Variants in TUBG2 observed in about 807,000 individuals in gnomAD.
The protein encoded by TUBG2 is tubulin gamma 2.
In TUBG2, 39 loss-of-function variants were observed where a neutral mutation model predicts 55.1. The observed-to-expected ratio is 0.71, with a 90% CI of 0.55 to 0.93. The LOEUF (loss-of-function observed/expected upper bound fraction) is 0.93, where lower values mean the gene tolerates loss of function less well. Ranked by LOEUF, TUBG2 falls within the 40% of genes least tolerant of loss-of-function variation. The probability of loss-of-function intolerance (pLI) is 0.00; values close to 1 mark genes in which losing one functional copy is unlikely to be tolerated. For missense variants in TUBG2, 358 were observed against 599.1 expected, an observed-to-expected ratio of 0.60 and a Z score of 4.20; for synonymous variants, 223 against 241.0, an observed-to-expected ratio of 0.93 and a Z score of 0.69.
At chr17:42,659,792 C>A in intron 1 of TUBG2, 42 bp from the exon 2 acceptor site, 1 of 1,612,922 alleles carries the variant, frequency 6.2e-7, no homozygotes, top group South Asian at 1.1e-5. Flanking sequence ...CTCCTCAGGC[C>A]TTAAGGCTCC....
At chr17:42,663,618 G>A in intron 6 of TUBG2, 115 bp downstream of exon 6, 2 of 1,318,990 alleles carry the variant, frequency 1.5e-6, no homozygotes, top group Non-Finnish European at 2.1e-6. Context: ...TACTAGCCTG[G>A]GCAACATGTG....
In TUBG2 at chr17:42,659,440, C is replaced by A; in HGVS notation, c.-64C>A. On this transcript the variant is annotated 5_prime_UTR_variant, in exon 1 of 11. Transcript: ENST00000251412. ...CCCCACGTCCTGCGCTCCTGGCTGC[C>A]GGGCATTCGTCTCAGCCGTGACTCT... is the stretch of plus-strand genomic sequence containing the variant. 2.0e-6 allele frequency: 3 copies of A among 1,506,048 alleles called. No individual in the cohort carries two copies. The highest frequency in any genetic ancestry group is 2.7e-6 in the Non-Finnish European group (3 of 1,120,856). The allele number at this position is 1,506,048 out of a possible 1,614,324, so 93.3% of individuals were successfully genotyped here.
At chr17:42,663,993 G>C (rs978334285) in intron 6 of TUBG2, among the ~76,000 whole-genome samples, 2 of 150,684 alleles carry the variant, frequency 1.3e-5, no homozygotes, top group Admixed American at 1.3e-4. Context: ...TGTAGTCCCA[G>C]CTACTTGGAG....
chr17:42,659,913 G>A lies in TUBG2; in HGVS notation c.129G>A (p.Glu43=). 13 of 1,612,676 alleles carry A rather than the reference G, an allele frequency of 8.1e-6. No homozygotes were observed. The Middle Eastern group carries it at 5.0e-4, about 61-fold the overall frequency. ...GCATCGTGGAGGAATTCGCCACCGA[G>A]GGCACTGACCGCAAGGACGTCTTTT... is the stretch of plus-strand genomic sequence containing the variant. The part of the protein sequence containing the change: ...PEGIVEEFAT[E]GTDRKDVFFY... Residue 43 remains glutamate, a synonymous_variant, in exon 2 of 11, where the codon GAG becomes GAA. Transcript: ENST00000251412.
At chr17:42,665,870 C>T (rs755511912) in intron 8 of TUBG2, 43 bp downstream of exon 8, 36 of 1,612,468 alleles carry the variant, frequency 2.2e-5, no homozygotes, top group African/African-American at 4.0e-5. Flanking sequence ...TGGCCCTGGG[C>T]CCAGCAGGCC....
In TUBG2 at chr17:42,665,666, G is replaced by A. The variant is rs999138371; in HGVS notation, c.694-12G>A. 31 of 1,613,972 alleles carry A rather than the reference G, an allele frequency of 1.9e-5. No individual in the cohort carries two copies. The highest frequency in any genetic ancestry group is 4.5e-5 in the East Asian group (2 of 44,890). ...CAGGCCGAGCCCCATGACATGGCACGCCTGTCCCCAGGTGTCCACCATCAT... is the reference window on the plus strand; with the variant it reads ...CAGGCCGAGCCCCATGACATGGCACACCTGTCCCCAGGTGTCCACCATCAT... On this transcript the variant is annotated splice_polypyrimidine_tract_variant and intron_variant, in intron 7 of 10. Coordinates refer to ENST00000251412, the MANE Select transcript of TUBG2 (RefSeq NM_016437.3).
chr17:42,663,402 T>A lies in TUBG2; in HGVS notation c.505T>A (p.Tyr169Asn). 6.2e-7 allele frequency: 1 copy of A among 1,614,062 alleles called. No homozygotes were observed. The highest frequency in any genetic ancestry group is 1.1e-5 in the South Asian group (1 of 91,056). ...DRYPKKLVQT[Y>N]SVFPYQDEMS... ...GTACCCCAAGAAGCTAGTGCAGACT[T>A]ATTCAGTGTTTCCCTACCAGGACGA... Residue 169 changes from tyrosine (Y) to asparagine (N), a missense_variant, in exon 6 of 11, where the codon TAT becomes AAT. Tyr to Asn is a moderately radical substitution (Grantham distance 143). Around this residue, in one of 8 missense-constraint regions of TUBG2, gnomAD observed 40 missense variants for 40.4 expected, o/e 0.99. Transcript: ENST00000251412.
rs2143531417 is a variant in TUBG2, at chr17:42,666,894, C to T, written c.*94C>T. 1 of 1,380,722 alleles carries T rather than the reference C, an allele frequency of 7.2e-7. No individual in the cohort carries two copies. Among genetic ancestry groups the T allele is most frequent in the Non-Finnish European group, 1.0e-6 (1 of 994,104 alleles). The allele number at this position is 1,380,722 out of a possible 1,614,324, so 85.5% of individuals were successfully genotyped here. A position where few individuals can be genotyped will look rare whatever the true frequency, so the allele number is the denominator to read the frequency against. On this transcript the variant is annotated 3_prime_UTR_variant, in exon 11 of 11. Transcript: ENST00000251412. ...ACCCAGCTTCACCTCATGGACAACC[C>T]TTCTTGGTTCATCTCCAGCCCGTGA...
At position 42,666,184 on chromosome 17, in the gene TUBG2, A is replaced by G; in HGVS notation, c.941A>G (p.Asn314Ser). The change falls in exon 9 of 11, where the codon AAC (asparagine) becomes AGC (serine). Residue 314 changes from asparagine to serine, a missense_variant. Transcript: ENST00000251412. ...TCCACAGGCCGAGACCGCCAGACCA[A>G]CCACTGCTACATCGCCATCCTCAAC... is the stretch of plus-strand genomic sequence containing the variant. ...MVSTGRDRQT[N>S]HCYIAILNII... 6.2e-7 allele frequency: 1 copy of G among 1,613,922 alleles called. No individual in the cohort carries two copies. The highest frequency in any genetic ancestry group is 2.2e-5 in the East Asian group (1 of 44,862).
intron 4 of TUBG2, among the ~76,000 whole-genome samples, chr17:42,662,265 C>G (rs1377836056): frequency 6.6e-6 from 1 of 152,142 alleles, no homozygotes; most frequent in Admixed American, 6.6e-5. Flanking sequence ...GATCACACCA[C>G]TGCACTGCAG....
At position 42,665,514 on chromosome 17, in the gene TUBG2, A is replaced by G. The variant is rs771327134; in HGVS notation, c.645A>G (p.Thr215=). Residue 215 remains threonine (T), a synonymous_variant, in exon 7 of 11, where the codon ACA becomes ACG. Coordinates refer to ENST00000251412, the MANE Select transcript of TUBG2 (RefSeq NM_016437.3). The part of the protein sequence containing the change: ...LDNTALNRIA[T]DRLHIQNPSF... ...ACACAGCCCTGAACCGGATTGCCAC[A>G]GACCGCCTGCACATCCAGAACCCGT... 3 of 1,614,128 alleles carry G rather than the reference A, an allele frequency of 1.9e-6. No individual in the cohort carries two copies. The highest frequency in any genetic ancestry group is 2.5e-6 in the Non-Finnish European group (3 of 1,180,014).
intron 4 of TUBG2, chr17:42,660,938 C>A: frequency 2.1e-6 from 1 of 466,896 alleles, no homozygotes; most frequent in Non-Finnish European, 4.0e-6. Context: ...GCTGCTTCTC[C>A]AGCTCCAAAC....
chr17:42,664,764 G>A (rs148074116), intron 6 of TUBG2, among the ~76,000 whole-genome samples: 3 of 151,510 alleles, frequency 2.0e-5, no homozygotes, highest in East Asian at 1.9e-4. Flanking sequence ...GGGTACTCAC[G>A]TGTTTGTTTA....
At chr17:42,659,653 C>T in intron 1 of TUBG2, 101 bp downstream of exon 1, 6 of 1,399,018 alleles carry the variant, frequency 4.3e-6, no homozygotes, top group South Asian at 1.4e-5. Flanking sequence ...TTCCATGAAC[C>T]CCCTGCCCTG....
At chr17:42,662,874 C>G in intron 4 of TUBG2, 99 bp from the exon 5 acceptor site, 1 of 1,170,482 alleles carries the variant, frequency 8.5e-7, no homozygotes, top group Admixed American at 2.0e-5. Flanking sequence ...TGACTGCTTA[C>G]CTGATGTGTG....
chr17:42,660,662 C>T lies in TUBG2; in HGVS notation c.354C>T (p.Ile118=), dbSNP rs775326662. The change falls in exon 4 of 11, where the codon ATC becomes ATT. Residue 118 remains isoleucine, a synonymous_variant. Coordinates refer to ENST00000251412, the MANE Select transcript of TUBG2 (RefSeq NM_016437.3). ...AGGGTGAGAAAATTCATGAAGACAT[C>T]TTTGACATCATAGACCGAGAAGCAG... ...FSQGEKIHED[I]FDIIDREADG... 6.2e-7 allele frequency: 1 copy of T among 1,614,082 alleles called. No homozygotes were observed. The highest frequency in any genetic ancestry group is 8.5e-7 in the Non-Finnish European group (1 of 1,180,014).
At chr17:42,659,803 A>AG (rs1396615185) in intron 1 of TUBG2, 31 bp from the exon 2 acceptor site, 12 of 1,613,854 alleles carry the variant, frequency 7.4e-6, no homozygotes, top group Non-Finnish European at 1.0e-5. Context: ...TTAAGGCTCC[A>AG]GCAGACCCGG....
In TUBG2 at chr17:42,666,645, C is replaced by T. The variant is rs772979812; in HGVS notation, c.1201C>T (p.Arg401Trp). 6 of 1,614,084 alleles carry T rather than the reference C, an allele frequency of 3.7e-6. No individual in the cohort carries two copies. The highest frequency in any genetic ancestry group is 4.2e-6 in the Non-Finnish European group (5 of 1,180,028). ...SCQQFDKLRK[R>W]DAFLEQFRKE... ...CCAGCAGTTTGACAAGCTGCGGAAG[C>T]GGGATGCCTTCCTCGAGCAGTTCCG... Residue 401 changes from arginine (R) to tryptophan (W), a missense_variant, in exon 11 of 11, where the codon CGG becomes TGG. This residue lies in a region of TUBG2 where 129 missense variants were observed against 251.6 expected (regional missense o/e 0.51). Transcript: ENST00000251412.
rs1567943141 is a variant in TUBG2, at chr17:42,659,320, C to T, written c.-184C>T. 2.2e-5 allele frequency: 12 copies of T among 558,066 alleles called. No individual in the cohort carries two copies. Among genetic ancestry groups the T allele is most frequent in the Non-Finnish European group, 3.1e-5 (10 of 327,498 alleles). 34.6% of individuals were successfully genotyped at this position (558,066 alleles called of 1,614,324 possible). On this transcript the variant is annotated 5_prime_UTR_variant, in exon 1 of 11. Transcript: ENST00000251412. ...GACTGCTGAGGGAGAAAATGATGCCCAGGTTGGGCTCCCCGGCCCACCGGC... is the reference window on the plus strand; with the variant it reads ...GACTGCTGAGGGAGAAAATGATGCCTAGGTTGGGCTCCCCGGCCCACCGGC...
Sources: gnomAD v4.1 joint callset for allele counts (sites outside exome capture counted in the v4.1 genomes callset) on GRCh38, gnomAD v4.1.1 for gene constraint, gnomAD v4.1.1 regional missense constraint, MANE v1.5 for transcripts, NCBI Gene and HGNC (gene_info 2026-07-23, HGNC 2026-07-21) for gene names.